The following GRID1 variants were observed in gnomAD, a reference collection of about 807,000 sequenced individuals.
GRID1 encodes glutamate ionotropic receptor delta type subunit 1.
GRID1 carries 28 observed loss-of-function variants against 98.0 expected under a neutral mutation model. The ratio of observed to expected loss-of-function variants is 0.29; its 90% CI spans 0.21 to 0.39. GRID1 has a LOEUF of 0.39. Among genes scored for constraint, GRID1 ranks in the 10% least tolerant of loss-of-function variants. The pLI, the probability that GRID1 is intolerant of heterozygous loss-of-function variation, is 1.00. For missense variants in GRID1, 1,111 were observed against 1,340.5 expected, an observed-to-expected ratio of 0.83 and a Z score of 2.67; for synonymous variants, 553 against 538.5, an observed-to-expected ratio of 1.03 and a Z score of -0.37.
chr10:86,036,514 C>T (rs1322854305), intron 4 of GRID1, among the ~76,000 whole-genome samples: 1 of 152,196 alleles, frequency 6.6e-6, no homozygotes. Context: ...GAGCCTGTCA[C>T]CTCCAGCCCC....
chr10:85,686,750 A>G (rs985204547), intron 12 of GRID1, among the ~76,000 whole-genome samples: 1 of 152,012 alleles, frequency 6.6e-6, no homozygotes, highest in Admixed American at 6.6e-5. Flanking sequence ...TTACAGATGC[A>G]TATTATATAT....
intron 2 of GRID1, among the ~76,000 whole-genome samples, chr10:86,341,915 C>T (rs1848316534): frequency 1.3e-5 from 2 of 152,190 alleles, no homozygotes; most frequent in South Asian, 4.1e-4. Flanking sequence ...GATTCTGTGC[C>T]AGAGTTTCCA....
chr10:86,264,138 C>T (rs1847065950), intron 2 of GRID1, among the ~76,000 whole-genome samples: 1 of 152,130 alleles, frequency 6.6e-6, no homozygotes, highest in South Asian at 2.1e-4. Context: ...TGGGCACCCT[C>T]CTCTCCCATC....
chr10:85,809,747 A>G (rs540673387), intron 8 of GRID1, among the ~76,000 whole-genome samples: 3 of 152,316 alleles, frequency 2.0e-5, no homozygotes, highest in South Asian at 2.1e-4. Context: ...AGGGTAGCAG[A>G]GAGGGGAGCA....
chr10:85,855,938 T>C (rs1843105691), intron 7 of GRID1, 91 bp downstream of exon 7: 2 of 1,193,764 alleles, frequency 1.7e-6, no homozygotes, highest in East Asian at 2.3e-5. Context: ...ACACAGAGCC[T>C]AGCTTCAGGC....
At chr10:86,363,091 A>G (rs1405237315) in intron 2 of GRID1, among the ~76,000 whole-genome samples, 2 of 152,266 alleles carry the variant, frequency 1.3e-5, no homozygotes, top group East Asian at 3.9e-4. Context: ...GGCTTGGAGA[A>G]GGAACCAGGG....
At chr10:86,255,934 C>T (rs924737627) in intron 2 of GRID1, among the ~76,000 whole-genome samples, 12 of 152,166 alleles carry the variant, frequency 7.9e-5, no homozygotes, top group Non-Finnish European at 1.5e-4. Flanking sequence ...TACACGGCCT[C>T]CCCCATGGTG....
chr10:86,195,755 C>T lies in GRID1; in HGVS notation c.520+10609G>A, dbSNP rs553070135. 1.2e-4 allele frequency among the ~76,000 whole-genome samples: 19 copies of T among 152,198 alleles called. No homozygotes were observed. The South Asian group carries it at 3.1e-3, about 25-fold the overall frequency. On this transcript the variant is annotated intron_variant, in intron 3 of 15. Coordinates refer to ENST00000327946, the MANE Select transcript of GRID1 (RefSeq NM_017551.3). This position sits in a 1 kb window ranked among gnomAD's most constrained non-coding sequence, Gnocchi z 4.4. ...CCACATGGCTGTGTCTGGGCGTGAC[C>T]CCCACCTTTTGGTTCTAAGTGGCCT...
chr10:85,656,587 A>G (rs887241308), intron 12 of GRID1, among the ~76,000 whole-genome samples: 1 of 151,738 alleles, frequency 6.6e-6, no homozygotes, highest in African/African-American at 2.4e-5. Flanking sequence ...TAAATCACTA[A>G]CCCCTAAACC....
intron 6 of GRID1, among the ~76,000 whole-genome samples, chr10:85,857,927 A>C (rs1299521152): frequency 1.3e-5 from 2 of 152,194 alleles, no homozygotes; most frequent in African/African-American, 2.4e-5. Flanking sequence ...CCAAAAGCAG[A>C]ACCTTAGATC....
intron 2 of GRID1, among the ~76,000 whole-genome samples, chr10:86,287,115 C>G (rs1329779002): frequency 6.6e-6 from 1 of 152,194 alleles, no homozygotes; most frequent in East Asian, 1.9e-4. Flanking sequence ...CAGGACAGCT[C>G]TGGAGGCACG....
At chr10:86,188,523 C>G (rs555666756) in intron 3 of GRID1, among the ~76,000 whole-genome samples, 5 of 152,218 alleles carry the variant, frequency 3.3e-5, no homozygotes, top group Non-Finnish European at 7.3e-5. Context: ...CCAAGACCCA[C>G]TCCCTGAGGA....
intron 14 of GRID1, among the ~76,000 whole-genome samples, chr10:85,618,205 G>A (rs979075966): frequency 6.6e-6 from 1 of 152,198 alleles, no homozygotes; most frequent in African/African-American, 2.4e-5. Flanking sequence ...TCTGAGCAGT[G>A]TGAGCACACG....
chr10:85,848,501 C>A (rs917126249), intron 8 of GRID1, among the ~76,000 whole-genome samples: 1 of 151,870 alleles, frequency 6.6e-6, no homozygotes, highest in East Asian at 1.9e-4. Flanking sequence ...AGGAGATATT[C>A]CCAATATAAC....
At chr10:85,902,051 C>G (rs545353195) in intron 5 of GRID1, among the ~76,000 whole-genome samples, 1 of 152,156 alleles carries the variant, frequency 6.6e-6, no homozygotes, top group African/African-American at 2.4e-5. Flanking sequence ...GGTTCTTTCA[C>G]GTTTGCCATA....
intron 3 of GRID1, among the ~76,000 whole-genome samples, chr10:86,143,590 C>T (rs1845040749): frequency 2.0e-5 from 3 of 152,220 alleles, no homozygotes; most frequent in African/African-American, 7.2e-5. Context: ...TGGCCAGCCC[C>T]ATCCACCATC....
rs867202246 is a variant in GRID1, at chr10:86,040,298, G to A, written c.726+98521C>T. On this transcript the variant is annotated intron_variant, in intron 4 of 15. Transcript: ENST00000327946. ...GTTGAAGAGATGCCTGCACTCCCAC[G>A]TTTATTGCAGTGCTATTCACAATAG... 8.5e-5 allele frequency among the ~76,000 whole-genome samples: 13 copies of A among 152,176 alleles called. No homozygotes were observed. In the South Asian group the frequency reaches 1.0e-3, roughly 12 times the overall value.
intron 4 of GRID1, among the ~76,000 whole-genome samples, chr10:86,136,458 T>C (rs1844926193): frequency 6.6e-6 from 1 of 152,180 alleles, no homozygotes; most frequent in Non-Finnish European, 1.5e-5. Context: ...AGAGAGGGGC[T>C]CTGGAGGGAG....
intron 8 of GRID1, among the ~76,000 whole-genome samples, chr10:85,738,759 C>CT (rs1346813165): frequency 2.6e-5 from 4 of 152,260 alleles, no homozygotes; most frequent in South Asian, 2.1e-4. Context: ...AGACTGCGTG[C>CT]TTTACGATGC....
Sources: allele counts gnomAD v4.1 joint callset (sites outside exome capture counted in the v4.1 genomes callset), GRCh38; gene constraint gnomAD v4.1.1; non-coding constraint Gnocchi (gnomAD v3.1); transcripts MANE v1.5; gene names NCBI Gene and HGNC (gene_info 2026-07-23, HGNC 2026-07-21).